Variants in ACSL3 observed in about 807,000 individuals in gnomAD.
ACSL3 encodes the protein fatty acid CoA ligase Acsl3.
Under a neutral mutation model 84.7 loss-of-function variants are expected in ACSL3, and 34 were observed. That is an observed-to-expected ratio of 0.40 (90% CI 0.31 to 0.53). The LOEUF (loss-of-function observed/expected upper bound fraction) is 0.53. Ranked by LOEUF, ACSL3 falls within the 20% of genes least tolerant of loss-of-function variation. ACSL3 has a pLI of 0.48. For synonymous variants in ACSL3, 315 were observed against 299.4 expected (o/e 1.05, Z -0.54); for missense variants, 680 against 873.1 (o/e 0.78, Z 2.79).
intron 3 of ACSL3, among the ~76,000 whole-genome samples, chr2:222,907,638 G>A (rs1696326340): frequency 1.3e-5 from 2 of 151,902 alleles, no homozygotes; most frequent in Admixed American, 1.3e-4. Flanking sequence ...GGTCACACAT[G>A]CCTGTAGTCC....
At chr2:222,870,872 G>C (rs999783543) in intron 1 of ACSL3, among the ~76,000 whole-genome samples, 22 of 152,100 alleles carry the variant, frequency 1.4e-4, no homozygotes, top group African/African-American at 5.3e-4. Flanking sequence ...TCCCCTTTTG[G>C]ACAATGAGGA....
rs200201022 is a variant in ACSL3 at position 222,930,765 on chromosome 2, C to G, written c.1685C>G (p.Thr562Ser). 1.2e-6 allele frequency: 2 copies of G among 1,614,048 alleles called. No homozygotes were observed. The highest frequency in any genetic ancestry group is 2.7e-5 in the African/African-American group (2 of 75,040). Reference sequence around the variant, plus strand: ...GAAAATGGACAAAGGTGGCTCTGTACTGGGGATATTGGAGAGTTTGAACCC... The same window carrying G: ...GAAAATGGACAAAGGTGGCTCTGTAGTGGGGATATTGGAGAGTTTGAACCC... ...EDENGQRWLC[T>S]GDIGEFEPDG... The change falls in exon 14 of 17, where the codon ACT (threonine) becomes AGT (serine). Residue 562 changes from threonine (T) to serine (S), a missense_variant. By Grantham distance (58) the Thr-to-Ser change is moderately conservative. This residue lies in a region of ACSL3 where 347 missense variants were observed against 525.7 expected (regional missense o/e 0.66). Coordinates refer to ENST00000357430, the MANE Select transcript of ACSL3 (RefSeq NM_004457.5).
In ACSL3 at chr2:222,941,485, TAATCATC is replaced by T. The variant is rs778413144; in HGVS notation, c.2006-11_2006-5del. On this transcript the variant is annotated splice_region_variant and splice_polypyrimidine_tract_variant and intron_variant, in intron 16 of 16. Transcript: ENST00000357430. ...TACCTTTTCTTCTTTTCTTTTTTTTTAATCATCTTAGCAAGTCTGGAAAAGTTTGAAA... is the reference window on the plus strand; with the variant it reads ...TACCTTTTCTTCTTTTCTTTTTTTTTTTAGCAAGTCTGGAAAAGTTTGAAA... 27 of 1,568,440 alleles carry T rather than the reference TAATCATC, an allele frequency of 1.7e-5. No individual in the cohort carries two copies. Among genetic ancestry groups the T allele is most frequent in the Admixed American group, 6.1e-5 (3 of 49,192 alleles).
At chr2:222,899,526 A>G (rs556255809) in intron 2 of ACSL3, among the ~76,000 whole-genome samples, 195 of 152,302 alleles carry the variant, frequency 1.3e-3, no homozygotes, top group Non-Finnish European at 1.3e-3. Flanking sequence ...GTTACAGGAC[A>G]GGGGTCCTGA....
chr2:222,875,571 A>G (rs116039096), intron 1 of ACSL3, among the ~76,000 whole-genome samples: 172 of 152,374 alleles, frequency 1.1e-3, no homozygotes, highest in African/African-American at 3.9e-3. Flanking sequence ...CCTTATTGGT[A>G]TTAACTTTCA....
rs1697347295 is a variant in ACSL3 at position 222,942,744 on chromosome 2, CT to C, written c.*1093del. The C allele has an allele frequency of 4.7e-6, 1 of 214,054 alleles. No homozygotes were observed. Among genetic ancestry groups the C allele is most frequent in the Non-Finnish European group, 9.4e-6 (1 of 106,106 alleles). 13.3% of individuals were successfully genotyped at this position (214,054 alleles called of 1,614,324 possible). A position where few individuals can be genotyped will look rare whatever the true frequency, so the allele number is the denominator to read the frequency against. ...AGCACCTTATCCTTTCTCCCATAAC[CT>C]TTGTACACTAAAAAATGAAAGAATT... is the stretch of plus-strand genomic sequence containing the variant. On this transcript the variant is annotated 3_prime_UTR_variant, in exon 17 of 17. Transcript: ENST00000357430.
At position 222,941,496 on chromosome 2, in the gene ACSL3, G is replaced by C; in HGVS notation, c.2006-1G>C. 1 of 1,582,888 alleles carries C rather than the reference G, an allele frequency of 6.3e-7. No homozygotes were observed. Among genetic ancestry groups the C allele is most frequent in the Non-Finnish European group, 8.6e-7 (1 of 1,167,110 alleles). ...CTTTTCTTTTTTTTTAATCATCTTA[G>C]CAAGTCTGGAAAAGTTTGAAATTCC... On this transcript the variant is annotated splice_acceptor_variant, in intron 16 of 16. Coordinates refer to ENST00000357430, the MANE Select transcript of ACSL3 (RefSeq NM_004457.5). LOFTEE classifies it high-confidence loss of function.
intron 8 of ACSL3, 80 bp downstream of exon 8, chr2:222,921,510 A>G (rs1393083493): frequency 7.3e-7 from 1 of 1,365,040 alleles, no homozygotes; most frequent in African/African-American, 1.4e-5. Flanking sequence ...TTTTATTAAT[A>G]TATGGCTAAA....
In ACSL3 at chr2:222,886,119, A is replaced by G. The variant is rs536645612; in HGVS notation, c.-206-1711A>G. Among the ~76,000 whole-genome samples the G allele has an allele frequency of 8.6e-5, 13 of 151,818 alleles. No homozygotes were observed. In the East Asian group the frequency reaches 2.5e-3, roughly 29 times the overall value. ...GCAGAACGTGCAGGTTTACATGTAT[A>G]CGTAGGTACACACGTGGCATGTTGG... On this transcript the variant is annotated intron_variant, in intron 1 of 16. Transcript: ENST00000357430.
intron 1 of ACSL3, among the ~76,000 whole-genome samples, chr2:222,866,698 G>A (rs1695150141): frequency 1.2e-5 from 1 of 84,682 alleles, no homozygotes; most frequent in African/African-American, 4.2e-5. Context: ...GCAGTTTTAT[G>A]TCTGTTTTAA....
chr2:222,875,479 G>T (rs1468886688), intron 1 of ACSL3, among the ~76,000 whole-genome samples: 1 of 152,080 alleles, frequency 6.6e-6, no homozygotes, highest in Non-Finnish European at 1.5e-5. Flanking sequence ...CATTGGTTTG[G>T]CTTTTCACTG....
chr2:222,876,335 TG>T, intron 1 of ACSL3, among the ~76,000 whole-genome samples: 1 of 152,272 alleles, frequency 6.6e-6, no homozygotes, highest in South Asian at 2.1e-4. Context: ...TTTGTTTTTT[TG>T]TTTTTTTTTG....
intron 2 of ACSL3, among the ~76,000 whole-genome samples, chr2:222,898,106 G>T (rs1334149515): frequency 6.6e-6 from 1 of 152,086 alleles, no homozygotes; most frequent in African/African-American, 2.4e-5. Flanking sequence ...TAACTCTCAG[G>T]CTTCCTCTTT....
chr2:222,943,969 A>G lies in ACSL3; in HGVS notation c.*2315A>G, dbSNP rs1222921791. Reference sequence around the variant, plus strand: ...TAAGAACTATTGTTTACTGGGAATAAACTAAGCTCTATGAAGAATTCGTAA... The same window carrying G: ...TAAGAACTATTGTTTACTGGGAATAGACTAAGCTCTATGAAGAATTCGTAA... On this transcript the variant is annotated 3_prime_UTR_variant, in exon 17 of 17. Coordinates refer to ENST00000357430, the MANE Select transcript of ACSL3 (RefSeq NM_004457.5). The G allele has an allele frequency of 6.6e-6, 1 of 152,144 alleles. No homozygotes were observed. The highest frequency in any genetic ancestry group is 2.4e-5 in the African/African-American group (1 of 41,460). The allele number at this position is 152,144 out of a possible 1,614,324, so 9.4% of individuals were successfully genotyped here. A position where few individuals can be genotyped will look rare whatever the true frequency, so the allele number is the denominator to read the frequency against.
intron 1 of ACSL3, among the ~76,000 whole-genome samples, chr2:222,879,911 C>G (rs1214676116): frequency 8.1e-6 from 1 of 123,048 alleles, no homozygotes; most frequent in Non-Finnish European, 1.7e-5. Flanking sequence ...TTTTTTTTTT[C>G]TATTTATGGA....
intron 2 of ACSL3, among the ~76,000 whole-genome samples, chr2:222,898,725 G>A (rs1696057697): frequency 6.6e-6 from 1 of 152,196 alleles, no homozygotes. Context: ...TACTCGGGAG[G>A]CTGAGGCAGG....
rs151232064 is a variant in ACSL3 at position 222,905,258 on chromosome 2, T to C, written c.-40-3475T>C. On this transcript the variant is annotated intron_variant, in intron 3 of 16. Coordinates refer to ENST00000357430, the MANE Select transcript of ACSL3 (RefSeq NM_004457.5). ...CATTGCAGCCTCGATCTCCCTAGGC[T>C]GAGGTGATCCTCCCATCTCAGTCTC... Among the ~76,000 whole-genome samples, 774 of 152,284 alleles carry C rather than the reference T, an allele frequency of 5.1e-3. 8 individuals are homozygous for C. Among genetic ancestry groups the C allele is most frequent in the African/African-American group, 0.018 (736 of 41,548 alleles).
intron 11 of ACSL3, among the ~76,000 whole-genome samples, chr2:222,926,365 A>T (rs1005973456): frequency 2.6e-5 from 4 of 152,172 alleles, no homozygotes; most frequent in African/African-American, 7.2e-5. Flanking sequence ...TACCATTTTT[A>T]AAAAATTGTC....
chr2:222,933,022 A>C, intron 14 of ACSL3, 144 bp from the exon 15 acceptor site: 1 of 528,136 alleles, frequency 1.9e-6, no homozygotes, highest in East Asian at 3.0e-5. Flanking sequence ...TAATTTCAGC[A>C]TAACCATTAA....
Sources: allele counts gnomAD v4.1 joint callset (sites outside exome capture counted in the v4.1 genomes callset), GRCh38; gene constraint gnomAD v4.1.1; regional missense constraint gnomAD v4.1.1; transcripts MANE v1.5; gene names NCBI Gene and HGNC (gene_info 2026-07-23, HGNC 2026-07-21).